OPN3: variants seen among roughly 807,000 people sequenced by gnomAD.
The protein encoded by OPN3 is opsin-3.
OPN3 carries 29 observed loss-of-function variants against 33.8 expected under a neutral mutation model. The ratio of observed to expected loss-of-function variants is 0.86; its 90% CI spans 0.64 to 1.17. The LOEUF (loss-of-function observed/expected upper bound fraction) is 1.17. Among genes scored for constraint, OPN3 ranks in the 50% most tolerant of loss-of-function variants. OPN3 has a pLI of 0.00. For synonymous variants in OPN3, 216 were observed against 216.1 expected (o/e 1.00, Z 0.00); for missense variants, 437 against 514.1 (o/e 0.85, Z 1.45).
intron 1 of OPN3, chr1:241,628,758 A>G (rs1664498468): frequency 6.6e-6 from 1 of 152,194 alleles, no homozygotes; most frequent in African/African-American, 2.4e-5. Flanking sequence ...ATATCTGAAG[A>G]TGATCTTTTT....
intron 1 of OPN3, among the ~76,000 whole-genome samples, chr1:241,617,950 T>C (rs1386293960): frequency 6.6e-6 from 1 of 152,050 alleles, no homozygotes; most frequent in Non-Finnish European, 1.5e-5. Context: ...AAAAATCTCA[T>C]TTCCTTGGAA....
chr1:241,601,861 G>C (rs1057148317), intron 2 of OPN3, among the ~76,000 whole-genome samples: 8 of 152,172 alleles, frequency 5.3e-5, no homozygotes, highest in Non-Finnish European at 7.3e-5. Flanking sequence ...TCTGGTCTTG[G>C]TATCTAGGAA....
rs984674439 is a variant in OPN3, at chr1:241,630,449, A to G, written c.373+9433T>C. 12 of 152,136 alleles carry G rather than the reference A, an allele frequency of 7.9e-5. 1 individual carries two copies. Among genetic ancestry groups the G allele is most frequent in the African/African-American group, 2.9e-4 (12 of 41,462 alleles). 9.4% of individuals were successfully genotyped at this position (152,136 alleles called of 1,614,324 possible). On this transcript the variant is annotated intron_variant, in intron 1 of 3. Coordinates refer to ENST00000366554, the MANE Select transcript of OPN3 (RefSeq NM_014322.3). Reference sequence around the variant, plus strand: ...TTGCAGTTTGTCACTGCTAAGATGTAGAAATGAGATTTTTAAAAATTGTGT... The same window carrying G: ...TTGCAGTTTGTCACTGCTAAGATGTGGAAATGAGATTTTTAAAAATTGTGT...
intron 3 of OPN3, chr1:241,594,976 A>T: frequency 3.3e-6 from 1 of 303,962 alleles, no homozygotes; most frequent in East Asian, 6.3e-5. Context: ...AGGTACAACT[A>T]TTAAGAGATT....
chr1:241,610,567 G>A (rs548743322), intron 1 of OPN3, among the ~76,000 whole-genome samples: 5 of 152,078 alleles, frequency 3.3e-5, no homozygotes, highest in East Asian at 3.9e-4. Context: ...AGTTCTTTCC[G>A]GTATAACTTA....
intron 1 of OPN3, among the ~76,000 whole-genome samples, chr1:241,621,393 T>C (rs1429011562): frequency 2.0e-5 from 3 of 152,122 alleles, no homozygotes; most frequent in Non-Finnish European, 2.9e-5. Context: ...AAAGGAGAGT[T>C]AAGGCTGTGA....
At chr1:241,596,294 C>T (rs1019402053) in intron 3 of OPN3, among the ~76,000 whole-genome samples, 17 of 152,166 alleles carry the variant, frequency 1.1e-4, no homozygotes, top group African/African-American at 4.1e-4. Flanking sequence ...TAGAAAAATT[C>T]ATATGTGTGC....
intron 1 of OPN3, among the ~76,000 whole-genome samples, chr1:241,607,627 AAAGAAAAAGG>A (rs1383840472): frequency 6.6e-6 from 1 of 151,318 alleles, no homozygotes; most frequent in Non-Finnish European, 1.5e-5. Context: ...GAAGGAAGAA[AAAGAAAAAGG>A]AAGAAAGAAG....
At chr1:241,613,656 T>C (rs2148008518) in intron 1 of OPN3, among the ~76,000 whole-genome samples, 1 of 152,312 alleles carries the variant, frequency 6.6e-6, no homozygotes, top group African/African-American at 2.4e-5. Context: ...TCTCAGCTGT[T>C]AGAATGAGTG....
chr1:241,639,376 T>TA (rs1370313379), intron 1 of OPN3: 3 of 152,326 alleles, frequency 2.0e-5, no homozygotes, highest in Non-Finnish European at 2.9e-5. Flanking sequence ...AATTTTTTTT[T>TA]ACACATTGTT....
chr1:241,604,707 A>G, intron 1 of OPN3, 128 bp from the exon 2 acceptor site: 1 of 811,800 alleles, frequency 1.2e-6, no homozygotes, highest in Non-Finnish European at 1.9e-6. Context: ...CTCAAAGCCA[A>G]GAGTAATAGT....
chr1:241,607,012 T>C (rs1558439376), intron 1 of OPN3, among the ~76,000 whole-genome samples: 1 of 152,178 alleles, frequency 6.6e-6, no homozygotes, highest in Non-Finnish European at 1.5e-5. Flanking sequence ...CAGAAAGCAA[T>C]TGGTATAACA....
chr1:241,596,572 T>G (rs775006137), intron 3 of OPN3, among the ~76,000 whole-genome samples: 33 of 152,338 alleles, frequency 2.2e-4, no homozygotes, highest in South Asian at 8.3e-4. Flanking sequence ...GCACTGAACA[T>G]AATAAGGTTA....
At chr1:241,598,040 G>A in intron 2 of OPN3, 43 bp from the exon 3 acceptor site, 2 of 1,590,102 alleles carry the variant, frequency 1.3e-6, no homozygotes, top group Middle Eastern at 3.4e-4. Context: ...AAAAACAAAA[G>A]AAGGGTTTCT....
intron 1 of OPN3, chr1:241,635,228 T>C: frequency 6.2e-7 from 1 of 1,613,616 alleles, no homozygotes; most frequent in Non-Finnish European, 8.5e-7. Flanking sequence ...TCCACAATAC[T>C]TTTCCTTCTC....
intron 1 of OPN3, among the ~76,000 whole-genome samples, chr1:241,610,305 A>G (rs1663956038): frequency 6.6e-6 from 1 of 152,234 alleles, no homozygotes; most frequent in Non-Finnish European, 1.5e-5. Context: ...AAACAATTAC[A>G]GGAATGTGAT....
At chr1:241,638,045 G>A (rs1222055573) in intron 1 of OPN3, among the ~76,000 whole-genome samples, 5 of 152,068 alleles carry the variant, frequency 3.3e-5, no homozygotes, top group Non-Finnish European at 7.4e-5. Flanking sequence ...AATCATCTTC[G>A]CTAAAAACTT....
intron 1 of OPN3, among the ~76,000 whole-genome samples, chr1:241,607,640 GAA>G (rs1663872902): frequency 6.9e-6 from 1 of 145,144 alleles, no homozygotes; most frequent in East Asian, 2.0e-4. Context: ...GAAAAAGGAA[GAA>G]AGAAGAAAGA....
intron 1 of OPN3, among the ~76,000 whole-genome samples, chr1:241,639,640 G>A (rs1243102810): frequency 6.6e-6 from 1 of 151,726 alleles, no homozygotes; most frequent in Non-Finnish European, 1.5e-5. Context: ...AGAGACCACA[G>A]GAATGGAGTC....
Sources: gnomAD v4.1 joint callset for allele counts (sites outside exome capture counted in the v4.1 genomes callset) on GRCh38, gnomAD v4.1.1 for gene constraint, MANE v1.5 for transcripts, NCBI Gene and HGNC (gene_info 2026-07-23, HGNC 2026-07-21) for gene names.